Variants in TSC22D3 observed in about 807,000 individuals in gnomAD.
TSC22D3 encodes the protein TSC22 domain family protein 3.
Under a neutral mutation model 11.1 loss-of-function variants are expected in TSC22D3, and 4 were observed. That is an observed-to-expected ratio of 0.36 (90% CI 0.18 to 0.83). TSC22D3 has a LOEUF of 0.83. Ranked by LOEUF, TSC22D3 falls within the 40% of genes least tolerant of loss-of-function variation. The probability of loss-of-function intolerance (pLI) is 0.48; values close to 1 mark genes in which losing one functional copy is unlikely to be tolerated. For missense variants in TSC22D3, 118 were observed against 159.4 expected (o/e 0.74, Z 1.40); for synonymous variants, 77 against 70.3 (o/e 1.10, Z -0.48).
intron 1 of TSC22D3, among the ~76,000 whole-genome samples, chrX:107,765,222 A>G (rs1436590487): frequency 1.8e-5 from 2 of 111,712 alleles, no homozygotes; most frequent in Non-Finnish European, 3.8e-5. Flanking sequence ...CGGCCGCCAT[A>G]AAGAGACTCT....
At chrX:107,760,010 C>G (rs757397503) in intron 1 of TSC22D3, among the ~76,000 whole-genome samples, 2 of 112,785 alleles carry the variant, frequency 1.8e-5, no homozygotes, top group Non-Finnish European at 3.8e-5. Flanking sequence ...CTGCCGAGAC[C>G]GGGCCAGCTT....
chrX:107,775,023 C>T, intron 1 of TSC22D3, 77 bp downstream of exon 1: 2 of 1,116,435 alleles, frequency 1.8e-6, no homozygotes. Context: ...CTAGTTGCCC[C>T]TTTTGCCAGA....
chrX:107,774,481 T>G (rs1298017745), intron 1 of TSC22D3, among the ~76,000 whole-genome samples: 2 of 111,701 alleles, frequency 1.8e-5, no homozygotes, highest in African/African-American at 6.5e-5. Context: ...GGGGTTGCGC[T>G]TAGCTTACAT....
At chrX:107,759,038 G>C (rs1484572544) in intron 1 of TSC22D3, among the ~76,000 whole-genome samples, 1 of 111,209 alleles carries the variant, frequency 9.0e-6, no homozygotes, top group Non-Finnish European at 1.9e-5. Flanking sequence ...AGGCCACCAC[G>C]CCTGGCTAGT....
intron 1 of TSC22D3, among the ~76,000 whole-genome samples, chrX:107,773,695 C>T (rs1339349885): frequency 1.8e-5 from 2 of 111,525 alleles, no homozygotes; most frequent in African/African-American, 6.5e-5. Context: ...CGAAAATGCC[C>T]GAGGAATACG....
chrX:107,752,825 G>T (rs150967228), intron 1 of TSC22D3, among the ~76,000 whole-genome samples: 1,935 of 111,871 alleles, frequency 0.017, 41 homozygotes, highest in African/African-American at 0.059. Flanking sequence ...AGAAGGGGCA[G>T]GAAGAAAAGA....
intron 1 of TSC22D3, among the ~76,000 whole-genome samples, chrX:107,764,290 T>A (rs1192005049): frequency 8.9e-6 from 1 of 112,273 alleles, no homozygotes; most frequent in Non-Finnish European, 1.9e-5. Context: ...GTCTGGCACA[T>A]GAAAGTGTGC....
chrX:107,722,552 A>T lies in TSC22D3; in HGVS notation c.321-6602T>A, dbSNP rs1224976339. ...GTTCTGCCATGTCAGCAGGACTGGA[A>T]GTATTTATTGGCGACTTATCCAGGA... On this transcript the variant is annotated intron_variant, in intron 1 of 2. Coordinates refer to ENST00000372383, the MANE Select transcript of TSC22D3 (RefSeq NM_198057.3). Among the ~76,000 whole-genome samples the T allele has an allele frequency of 6.2e-5, 7 of 112,282 alleles. No homozygotes were observed. The East Asian group carries it at 2.0e-3, about 31-fold the overall frequency.
At position 107,715,891 on chromosome X, in the gene TSC22D3, C is replaced by G; in HGVS notation, c.372+8G>C. On this transcript the variant is annotated splice_region_variant and intron_variant, in intron 2 of 2. Transcript: ENST00000372383. ...AGGGGATGAGAATGACGCAGTGATG[C>G]CACTCACCATGGCCTGTTCGATCTT... 1.7e-6 allele frequency: 2 copies of G among 1,210,962 alleles called. No individual in the cohort carries two copies. Among genetic ancestry groups the G allele is most frequent in the Non-Finnish European group, 2.2e-6 (2 of 894,824 alleles).
At chrX:107,724,229 G>A (rs1927497780) in intron 1 of TSC22D3, among the ~76,000 whole-genome samples, 1 of 112,521 alleles carries the variant, frequency 8.9e-6, no homozygotes, top group African/African-American at 3.2e-5. Flanking sequence ...TGGGGGCAGT[G>A]GCAGGAGGAG....
At chrX:107,757,533 G>T (rs1929231530) in intron 1 of TSC22D3, among the ~76,000 whole-genome samples, 1 of 112,335 alleles carries the variant, frequency 8.9e-6, no homozygotes, top group Admixed American at 9.4e-5. Context: ...AACTTTAAAA[G>T]AAACATATAG....
intron 1 of TSC22D3, among the ~76,000 whole-genome samples, chrX:107,750,859 G>A (rs1170896498): frequency 8.9e-6 from 1 of 111,909 alleles, no homozygotes; most frequent in Non-Finnish European, 1.9e-5. Flanking sequence ...TAAAGTCATG[G>A]AAACTGGGAG....
At chrX:107,756,227 T>C (rs1272282960) in intron 1 of TSC22D3, among the ~76,000 whole-genome samples, 3 of 112,124 alleles carry the variant, frequency 2.7e-5, no homozygotes, top group Non-Finnish European at 5.6e-5. Context: ...ACTATCAAGA[T>C]TTTTTGCCAT....
chrX:107,759,372 G>T (rs1929328379), intron 1 of TSC22D3, among the ~76,000 whole-genome samples: 1 of 111,638 alleles, frequency 9.0e-6, no homozygotes, highest in South Asian at 3.7e-4. Context: ...CACATATCAA[G>T]ACTTTAGAAA....
At chrX:107,735,619 C>G (rs775735769) in intron 1 of TSC22D3, among the ~76,000 whole-genome samples, 1 of 110,719 alleles carries the variant, frequency 9.0e-6, no homozygotes, top group African/African-American at 3.3e-5. Flanking sequence ...GCCCTCCAAC[C>G]AAACCCTCTC....
rs764022437 is a variant in TSC22D3 at position 107,714,833 on chromosome X, T to C, written c.373-84A>G. On this transcript the variant is annotated intron_variant, in intron 2 of 2. Transcript: ENST00000372383. ...ACCTTTGCTCTGTCATTGGTGTGCC[T>C]GTGCTGTCCTTAATGCCAGGGCCCT... 78 of 955,781 alleles carry C rather than the reference T, an allele frequency of 8.2e-5. No homozygotes were observed. The East Asian group carries it at 2.3e-3, about 28-fold the overall frequency. 78.8% of individuals were successfully genotyped at this position (955,781 alleles called of 1,213,427 possible). A position where few individuals can be genotyped will look rare whatever the true frequency, so the allele number is the denominator to read the frequency against.
At chrX:107,756,764 C>T (rs771532909) in intron 1 of TSC22D3, among the ~76,000 whole-genome samples, 13 of 112,858 alleles carry the variant, frequency 1.2e-4, no homozygotes, top group South Asian at 3.6e-4. Flanking sequence ...TTTCCCTTGC[C>T]GAGAATTCCA....
At chrX:107,767,336 G>A (rs12010379) in intron 1 of TSC22D3, among the ~76,000 whole-genome samples, 8,962 of 111,115 alleles carry the variant, frequency 0.081, 387 homozygotes, top group Middle Eastern at 0.18. Flanking sequence ...GGCCAATGGT[G>A]AGCCTGGATC....
At position 107,715,938 on chromosome X, in the gene TSC22D3, G is replaced by A. The variant is rs1198695155; in HGVS notation, c.333C>T (p.Ala111=). The A allele has an allele frequency of 3.3e-6, 4 of 1,211,023 alleles. No individual in the cohort carries two copies. Among genetic ancestry groups the A allele is most frequent in the Non-Finnish European group, 2.2e-6 (2 of 895,335 alleles). The change falls in exon 2 of 3, where the codon GCC becomes GCT. Residue 111 remains alanine (A), a synonymous_variant. Coordinates refer to ENST00000372383, the MANE Select transcript of TSC22D3 (RefSeq NM_198057.3). ...TCTTGTTGTCTATGGCCACCACGCT[G>A]GCTCCGGAGGCACTGCCAAGACAAA... The part of the protein sequence containing the change: ...ILLFFHSASG[A]SVVAIDNKIE...
Sources: gnomAD v4.1 joint callset for allele counts (sites outside exome capture counted in the v4.1 genomes callset) on GRCh38, gnomAD v4.1.1 for gene constraint, MANE v1.5 for transcripts, NCBI Gene and HGNC (gene_info 2026-07-23, HGNC 2026-07-21) for gene names.